Variants in ASAH2 observed in about 807,000 individuals in gnomAD.
The protein encoded by ASAH2 is N-acylsphingosine amidohydrolase 2, also known as neutral ceramidase.
ASAH2 carries 58 observed loss-of-function variants against 82.9 expected under a neutral mutation model. The observed-to-expected ratio is 0.70, with a 90% CI of 0.57 to 0.87. ASAH2 has a LOEUF of 0.87. Among genes scored for constraint, ASAH2 ranks in the 40% least tolerant of loss-of-function variants. The pLI, the probability that ASAH2 is intolerant of heterozygous loss-of-function variation, is 0.00. For synonymous variants in ASAH2, 276 were observed against 289.7 expected, an observed-to-expected ratio of 0.95 and a Z score of 0.48; for missense variants, 779 against 834.0, an observed-to-expected ratio of 0.93 and a Z score of 0.81.
chr10:50,205,857 C>T, intron 13 of ASAH2, 125 bp downstream of exon 13: 1 of 833,584 alleles, frequency 1.2e-6, no homozygotes. Flanking sequence ...ATATTAAAAA[C>T]TTGATATGGG....
At chr10:50,230,054 C>T (rs1054769167) in intron 7 of ASAH2, among the ~76,000 whole-genome samples, 9 of 152,054 alleles carry the variant, frequency 5.9e-5, no homozygotes, top group African/African-American at 1.2e-4. Context: ...TTTGAAAATA[C>T]GGCAACTGAG....
chr10:50,229,874 T>G (rs1337295166), intron 7 of ASAH2, among the ~76,000 whole-genome samples: 1 of 152,204 alleles, frequency 6.6e-6, no homozygotes, highest in African/African-American at 2.4e-5. Flanking sequence ...CACACCTGCC[T>G]TTCTTAGCAC....
rs1589361499 is a variant in ASAH2, at chr10:50,245,380, T to C, written c.202A>G (p.Thr68Ala). 6.2e-7 allele frequency: 1 copy of C among 1,613,776 alleles called. No individual in the cohort carries two copies. Among genetic ancestry groups the C allele is most frequent in the Non-Finnish European group, 8.5e-7 (1 of 1,179,882 alleles). The change falls in exon 3 of 21, where the codon ACA becomes GCA. Residue 68 changes from threonine to alanine, a missense_variant. Coordinates refer to ENST00000682911, the MANE Select transcript of ASAH2 (RefSeq NM_019893.4). ...GTGGCTGTGGAATGCTGGGTGGCTG[T>C]GGAGCGTTGGGCAGCTGTGGAGCCC... ...TQGSTAAQRS[T>A]ATQHSTATQS...
chr10:50,197,332 T>A (rs1172526697), intron 17 of ASAH2, among the ~76,000 whole-genome samples: 2 of 151,426 alleles, frequency 1.3e-5, no homozygotes, highest in African/African-American at 4.8e-5. Flanking sequence ...GAGTACCAAG[T>A]TTTTTCCTAG....
At position 50,218,570 on chromosome 10, in the gene ASAH2, A is replaced by G. The variant is rs1480748763; in HGVS notation, c.954T>C (p.Asn318=). 2.5e-6 allele frequency: 4 copies of G among 1,613,602 alleles called. No homozygotes were observed. The East Asian group carries it at 6.7e-5, about 27-fold the overall frequency. The part of the protein sequence containing the change: ...NNSNHLVNSD[N]VGYASYLLEQ... The stretch of plus-strand genomic sequence containing the variant: ...CAAGCAGGTAAGATGCATAGCCCAC[A>G]TTGTCACTGTTTACAAGATGGTTAC... Residue 318 remains asparagine, a synonymous_variant, in exon 8 of 21, where the codon AAT becomes AAC. Transcript: ENST00000682911.
intron 5 of ASAH2, 33 bp from the exon 6 acceptor site, chr10:50,234,585 C>T (rs770605034): frequency 1.3e-5 from 21 of 1,612,038 alleles, no homozygotes; most frequent in African/African-American, 2.7e-5. Flanking sequence ...ATGTTATAAG[C>T]TTAGAAATCC....
chr10:50,202,190 T>C (rs1013088253), intron 16 of ASAH2, among the ~76,000 whole-genome samples: 101 of 152,208 alleles, frequency 6.6e-4, no homozygotes, highest in Non-Finnish European at 1.1e-3. Flanking sequence ...GTAGACTGTA[T>C]GCCTCTGTAT....
chr10:50,240,488 A>C, intron 4 of ASAH2: 1 of 702,198 alleles, frequency 1.4e-6, no homozygotes, highest in Non-Finnish European at 2.6e-6. Context: ...CTGCTTAATC[A>C]TCCTAAAACA....
At chr10:50,249,424 A>C (rs1011667702) in intron 1 of ASAH2, among the ~76,000 whole-genome samples, 3 of 152,230 alleles carry the variant, frequency 2.0e-5, no homozygotes, top group African/African-American at 7.2e-5. Context: ...GAACTATACA[A>C]GTTAAAACCC....
intron 8 of ASAH2, among the ~76,000 whole-genome samples, chr10:50,217,614 G>C (rs1845640184): frequency 6.6e-6 from 1 of 152,142 alleles, no homozygotes; most frequent in Non-Finnish European, 1.5e-5. Context: ...GCCCTCACCA[G>C]ATGGAGTTGT....
rs1844751435 is a variant in ASAH2 at position 50,186,653 on chromosome 10, GCATCCACAGCGGCTC to G, written c.*647_*661del. 7.0e-6 allele frequency: 1 copy of G among 143,180 alleles called. No individual in the cohort carries two copies. The highest frequency in any genetic ancestry group is 2.2e-4 in the South Asian group (1 of 4,536). 8.9% of individuals were successfully genotyped at this position (143,180 alleles called of 1,614,324 possible). On this transcript the variant is annotated 3_prime_UTR_variant, in exon 21 of 21. Coordinates refer to ENST00000682911, the MANE Select transcript of ASAH2 (RefSeq NM_019893.4). ...GAAGGCAATTCCAGAAATGATTTGA[GCATCCACAGCGGCTC>G]TGAACTAGGCATGTTAACTCCAGAA... is the stretch of plus-strand genomic sequence containing the variant.
At chr10:50,242,322 C>A (rs572124348) in intron 4 of ASAH2, among the ~76,000 whole-genome samples, 1 of 152,244 alleles carries the variant, frequency 6.6e-6, no homozygotes, top group East Asian at 1.9e-4. Context: ...TAAAGTGATG[C>A]TTTTAGGCCA....
intron 12 of ASAH2, among the ~76,000 whole-genome samples, chr10:50,206,799 A>G (rs4935552): frequency 0.032 from 4,791 of 151,940 alleles, 136 homozygotes; most frequent in Middle Eastern, 0.14. Context: ...TCATGGATAG[A>G]ACAACTAGGC....
chr10:50,211,994 G>C (rs967296936), intron 10 of ASAH2, among the ~76,000 whole-genome samples: 5 of 152,288 alleles, frequency 3.3e-5, no homozygotes, highest in Admixed American at 1.3e-4. Flanking sequence ...TGTGTCATGG[G>C]TGCACACCCT....
At chr10:50,227,652 T>C (rs1482752961) in intron 7 of ASAH2, among the ~76,000 whole-genome samples, 1 of 152,144 alleles carries the variant, frequency 6.6e-6, no homozygotes, top group Non-Finnish European at 1.5e-5. Context: ...AAAAATAATC[T>C]CCCAGATTTT....
chr10:50,209,455 T>C (rs980259316), intron 12 of ASAH2, among the ~76,000 whole-genome samples: 2,674 of 152,244 alleles, frequency 0.018, 33 homozygotes, highest in Middle Eastern at 0.034. Context: ...TTTCAAGCGA[T>C]TGTCCTGCCT....
At position 50,248,542 on chromosome 10, in the gene ASAH2, G is replaced by A. The variant is rs778901441; in HGVS notation, c.69C>T (p.Ile23=). ...LIFLLVMMSA[I]TVALLSLLFI... is the part of the protein sequence containing the mutation. The stretch of plus-strand genomic sequence containing the variant: ...ACAAGAGGCTGAGAAGGGCCACTGT[G>A]ATGGCACTCATCATTACAAGGAGGA... Residue 23 remains isoleucine, a synonymous_variant, in exon 2 of 21, where the codon ATC becomes ATT. Transcript: ENST00000682911. 2 of 1,613,616 alleles carry A rather than the reference G, an allele frequency of 1.2e-6. No individual in the cohort carries two copies. The highest frequency in any genetic ancestry group is 2.2e-5 in the South Asian group (2 of 91,070).
At chr10:50,194,827 C>T (rs550017024) in intron 18 of ASAH2, among the ~76,000 whole-genome samples, 7 of 151,548 alleles carry the variant, frequency 4.6e-5, no homozygotes, top group African/African-American at 1.7e-4. Flanking sequence ...ACAGTCTCTT[C>T]AATAAATGCT....
intron 12 of ASAH2, among the ~76,000 whole-genome samples, chr10:50,208,469 TA>T (rs1159775051): frequency 1.3e-5 from 2 of 152,072 alleles, no homozygotes. Context: ...TTGTAGGATA[TA>T]AGGTCAATAC....
Sources: allele counts gnomAD v4.1 joint callset (sites outside exome capture counted in the v4.1 genomes callset), GRCh38; gene constraint gnomAD v4.1.1; transcripts MANE v1.5; gene names NCBI Gene and HGNC (gene_info 2026-07-23, HGNC 2026-07-21).